THEMIS: variants seen among roughly 807,000 people sequenced by gnomAD.
THEMIS encodes thymocyte selection associated.
THEMIS carries 37 observed loss-of-function variants against 52.6 expected under a neutral mutation model. The observed-to-expected ratio is 0.70, with a 90% CI of 0.54 to 0.93. THEMIS has a LOEUF of 0.93. THEMIS is among the 40% of genes least tolerant of loss of function. The pLI, the probability that THEMIS is intolerant of heterozygous loss-of-function variation, is 0.00. For synonymous variants in THEMIS, 292 were observed against 272.7 expected, an observed-to-expected ratio of 1.07 and a Z score of -0.70; for missense variants, 808 against 763.1, an observed-to-expected ratio of 1.06 and a Z score of -0.69.
chr6:127,784,071 T>C (rs1776840288), intron 4 of THEMIS, among the ~76,000 whole-genome samples: 1 of 152,058 alleles, frequency 6.6e-6, no homozygotes, highest in Admixed American at 6.5e-5. Context: ...AAAGGATGAG[T>C]TCATGTCCTT....
downstream of THEMIS, among the ~76,000 whole-genome samples, chr6:127,704,193 C>T (rs1230606519): frequency 6.6e-6 from 1 of 152,204 alleles, no homozygotes; most frequent in Non-Finnish European, 1.5e-5. Flanking sequence ...TCCACTAAGA[C>T]AGCATTTAGT....
At chr6:127,783,587 TA>T (rs1313591734) in intron 4 of THEMIS, among the ~76,000 whole-genome samples, 2 of 152,128 alleles carry the variant, frequency 1.3e-5, no homozygotes, top group Non-Finnish European at 2.9e-5. Flanking sequence ...TATGAACAGA[TA>T]CTTCTCAAAA....
At chr6:127,833,134 G>T (rs965396036) in intron 2 of THEMIS, among the ~76,000 whole-genome samples, 1 of 151,550 alleles carries the variant, frequency 6.6e-6, no homozygotes, top group African/African-American at 2.4e-5. Flanking sequence ...AGGAGACATT[G>T]TTCATTAAAA....
At chr6:127,781,845 G>A (rs1364190189) in intron 4 of THEMIS, among the ~76,000 whole-genome samples, 1 of 152,152 alleles carries the variant, frequency 6.6e-6, no homozygotes, top group Non-Finnish European at 1.5e-5. Context: ...CTCCCAGGAG[G>A]TGTCTCCCAG....
intron 4 of THEMIS, among the ~76,000 whole-genome samples, chr6:127,729,131 A>C (rs1403458173): frequency 4.7e-5 from 5 of 107,042 alleles, no homozygotes; most frequent in African/African-American, 1.3e-4. Flanking sequence ...TACTCCCTTT[A>C]CCAATTTATT....
chr6:127,735,046 G>A (rs1774955035), intron 4 of THEMIS, among the ~76,000 whole-genome samples: 1 of 150,098 alleles, frequency 6.7e-6, no homozygotes, highest in Admixed American at 6.7e-5. Flanking sequence ...CCCTTCTAAA[G>A]TCAAAATTGA....
At chr6:127,730,587 T>C (rs912503946) in intron 4 of THEMIS, among the ~76,000 whole-genome samples, 3 of 152,166 alleles carry the variant, frequency 2.0e-5, no homozygotes, top group African/African-American at 2.4e-5. Flanking sequence ...TTTTTATTAT[T>C]GAGTTTAAAA....
chr6:127,744,521 T>C (rs889697168), intron 4 of THEMIS, among the ~76,000 whole-genome samples: 4 of 151,974 alleles, frequency 2.6e-5, no homozygotes, highest in African/African-American at 9.7e-5. Context: ...ATCTTATCAT[T>C]TGTGACAACA....
intron 5 of THEMIS, among the ~76,000 whole-genome samples, chr6:127,711,721 T>G (rs956652787): frequency 2.0e-5 from 3 of 152,032 alleles, no homozygotes; most frequent in Non-Finnish European, 4.4e-5. Flanking sequence ...CCCACTTCTA[T>G]CATTTACTAT....
At chr6:127,830,070 T>C (rs553751203) in intron 2 of THEMIS, 136 bp from the exon 3 acceptor site, 1 of 663,924 alleles carries the variant, frequency 1.5e-6, no homozygotes, top group East Asian at 2.7e-5. Context: ...TTAGAGATGC[T>C]TATTTTAATC....
At chr6:127,847,083 T>C (rs1000584757) in intron 2 of THEMIS, among the ~76,000 whole-genome samples, 1 of 151,926 alleles carries the variant, frequency 6.6e-6, no homozygotes, top group Non-Finnish European at 1.5e-5. Context: ...AAATTCAGCA[T>C]CTCTTTATGA....
chr6:127,793,512 C>A (rs1777224675), intron 4 of THEMIS, among the ~76,000 whole-genome samples: 1 of 152,000 alleles, frequency 6.6e-6, no homozygotes, highest in South Asian at 2.1e-4. Flanking sequence ...AGAAAGCAGG[C>A]CCCATGAAAT....
chr6:127,897,769 G>C (rs753460459), intron 1 of THEMIS, among the ~76,000 whole-genome samples: 3 of 151,538 alleles, frequency 2.0e-5, no homozygotes, highest in African/African-American at 7.3e-5. Context: ...ATATGACATA[G>C]TAATCCTACT....
upstream of THEMIS, chr6:127,918,584 G>A (rs1253466819): frequency 1.3e-5 from 2 of 152,144 alleles, no homozygotes; most frequent in Non-Finnish European, 2.9e-5. Context: ...TATAAATCTC[G>A]TAATTGTAAG....
At chr6:127,827,661 G>C (rs1778552484) in intron 3 of THEMIS, among the ~76,000 whole-genome samples, 1 of 152,102 alleles carries the variant, frequency 6.6e-6, no homozygotes, top group South Asian at 2.1e-4. Flanking sequence ...CTGGGAACAA[G>C]TTTGGCTTTT....
rs1781308542 is a variant in THEMIS at position 127,907,607 on chromosome 6, G to T, written c.-149-6526C>A. Among the ~76,000 whole-genome samples, 3 of 151,570 alleles carry T rather than the reference G, an allele frequency of 2.0e-5. No homozygotes were observed. In the Admixed American group the frequency reaches 2.0e-4, roughly 10 times the overall value. On this transcript the variant is annotated intron_variant, in intron 1 of 6. Coordinates refer to the THEMIS transcript ENST00000368250. ...ATTTCAGGTTCACGGGCTCTACTTT[G>T]GATTTTATTAGGCAGTTGTCTCAGC...
intron 4 of THEMIS, among the ~76,000 whole-genome samples, chr6:127,748,001 T>G (rs990147817): frequency 6.6e-6 from 1 of 152,018 alleles, no homozygotes; most frequent in Non-Finnish European, 1.5e-5. Flanking sequence ...ATGAAAATGG[T>G]CTCAAAAAAT....
chr6:127,829,519 G>A lies in THEMIS; in HGVS notation c.666C>T (p.Thr222=), dbSNP rs1778622098. 1 of 1,611,730 alleles carries A rather than the reference G, an allele frequency of 6.2e-7. No homozygotes were observed. Among genetic ancestry groups the A allele is most frequent in the African/African-American group, 1.3e-5 (1 of 74,836 alleles). ...TTTCATAAACAGGCTTGAGAATCAG[G>A]GTACCATAAAAGTCTTTAGGAAATG... ...TNPFPKDFYG[T]LILKPVYEIQ... is the part of the protein sequence containing the mutation. Residue 222 remains threonine (T), a synonymous_variant, in exon 3 of 6, where the codon ACC becomes ACT. Coordinates refer to ENST00000368248, the MANE Select transcript of THEMIS (RefSeq NM_001010923.3).
At chr6:127,704,958 G>A (rs1773780991), downstream of THEMIS, among the ~76,000 whole-genome samples, 1 of 152,224 alleles carries the variant, frequency 6.6e-6, no homozygotes. Context: ...TCACTTAGGA[G>A]TGGGTCTGAA....
Sources: allele counts gnomAD v4.1 joint callset (sites outside exome capture counted in the v4.1 genomes callset), GRCh38; gene constraint gnomAD v4.1.1; transcripts MANE v1.5; gene names NCBI Gene and HGNC (gene_info 2026-07-23, HGNC 2026-07-21).